Variants in KCND2 observed in about 807,000 individuals in gnomAD.
KCND2 encodes the protein A-type voltage-gated potassium channel KCND2.
Under a neutral mutation model 54.4 loss-of-function variants are expected in KCND2, and 16 were observed. The observed-to-expected ratio is 0.29, with a 90% confidence interval of 0.20 to 0.45. The LOEUF (loss-of-function observed/expected upper bound fraction) is 0.45, where lower values mean the gene tolerates loss of function less well. KCND2 is among the 20% of genes least tolerant of loss of function. KCND2 has a pLI of 1.00. For missense variants in KCND2, 486 were observed against 824.2 expected (o/e 0.59, Z 5.02); for synonymous variants, 317 against 310.7 (o/e 1.02, Z -0.21).
At chr7:120,412,485 AT>A (rs1252260836) in intron 1 of KCND2, among the ~76,000 whole-genome samples, 1 of 151,254 alleles carries the variant, frequency 6.6e-6, no homozygotes, top group Non-Finnish European at 1.5e-5. Context: ...CAAATTCATT[AT>A]TTCCACCTTT....
intron 1 of KCND2, among the ~76,000 whole-genome samples, chr7:120,282,522 C>G (rs1161606857): frequency 6.6e-6 from 1 of 151,890 alleles, no homozygotes; most frequent in Non-Finnish European, 1.5e-5. Context: ...GGAATTTTGA[C>G]AAGTCTATTA....
At chr7:120,311,131 GGTTT>G (rs1407331651) in intron 1 of KCND2, among the ~76,000 whole-genome samples, 1 of 151,778 alleles carries the variant, frequency 6.6e-6, no homozygotes, top group Non-Finnish European at 1.5e-5. Context: ...TGACATATAC[GGTTT>G]GTTTCCTTTT....
At chr7:120,412,657 C>T (rs1335763692) in intron 1 of KCND2, among the ~76,000 whole-genome samples, 2 of 151,978 alleles carry the variant, frequency 1.3e-5, no homozygotes, top group South Asian at 4.1e-4. Flanking sequence ...GTCATCAAGA[C>T]TTTTTGTATT....
intron 1 of KCND2, among the ~76,000 whole-genome samples, chr7:120,432,162 C>T (rs1243877763): frequency 2.0e-5 from 3 of 152,114 alleles, no homozygotes; most frequent in African/African-American, 7.2e-5. Flanking sequence ...GTAAATATCA[C>T]CGTTTATTTC....
intron 1 of KCND2, among the ~76,000 whole-genome samples, chr7:120,453,479 C>G (rs917472995): frequency 6.6e-6 from 1 of 152,180 alleles, no homozygotes; most frequent in East Asian, 1.9e-4. Context: ...CCCAATCCTG[C>G]ACTGCCACTG....
At chr7:120,692,748 T>C (rs1366520134) in intron 1 of KCND2, among the ~76,000 whole-genome samples, 2 of 152,184 alleles carry the variant, frequency 1.3e-5, no homozygotes, top group Non-Finnish European at 2.9e-5. Flanking sequence ...CTCTATTCTC[T>C]CCAAGCCAGA....
intron 1 of KCND2, among the ~76,000 whole-genome samples, chr7:120,359,565 C>T (rs1800562948): frequency 6.6e-6 from 1 of 152,044 alleles, no homozygotes; most frequent in African/African-American, 2.4e-5. Flanking sequence ...TCGTTATTCC[C>T]TTATCTTTTC....
At chr7:120,391,040 T>C (rs1801069059) in intron 1 of KCND2, among the ~76,000 whole-genome samples, 1 of 152,032 alleles carries the variant, frequency 6.6e-6, no homozygotes, top group African/African-American at 2.4e-5. Context: ...CATGATTAGG[T>C]ATATGTCCTA....
At position 120,310,748 on chromosome 7, in the gene KCND2, C is replaced by A. The variant is rs555454317; in HGVS notation, c.1115+35001C>A. Among the ~76,000 whole-genome samples, 217 of 151,934 alleles carry A rather than the reference C, an allele frequency of 1.4e-3. 1 individual carries two copies. Among genetic ancestry groups the A allele is most frequent in the African/African-American group, 5.2e-3 (214 of 41,464 alleles). ...GGCCAGGAGTTTGAGACCAGCCTGG[C>A]CAACATGGTGAAACCCCATCTGTAC... On this transcript the variant is annotated intron_variant, in intron 1 of 5. Transcript: ENST00000331113.
intron 1 of KCND2, among the ~76,000 whole-genome samples, chr7:120,726,833 A>C (rs929468608): frequency 2.0e-5 from 3 of 152,202 alleles, no homozygotes; most frequent in Non-Finnish European, 4.4e-5. Context: ...GGATCTGTTC[A>C]TTCATTCTAT....
intron 1 of KCND2, among the ~76,000 whole-genome samples, chr7:120,276,418 G>A (rs1799175542): frequency 6.6e-6 from 1 of 151,884 alleles, no homozygotes; most frequent in South Asian, 2.1e-4. Context: ...CAAGCTCTAG[G>A]TTCATAGTTT....
At chr7:120,662,200 C>A (rs1403788979) in intron 1 of KCND2, among the ~76,000 whole-genome samples, 1 of 151,964 alleles carries the variant, frequency 6.6e-6, no homozygotes, top group African/African-American at 2.4e-5. Context: ...TTTTTCCTCC[C>A]CTATAGTTTT....
At chr7:120,460,786 ACTTT>A (rs951149795) in intron 1 of KCND2, among the ~76,000 whole-genome samples, 9 of 152,130 alleles carry the variant, frequency 5.9e-5, no homozygotes, top group African/African-American at 1.9e-4. Flanking sequence ...GCCCCTGACC[ACTTT>A]CTTTCTATCT....
intron 1 of KCND2, among the ~76,000 whole-genome samples, chr7:120,539,602 C>G (rs1791955061): frequency 6.6e-6 from 1 of 152,112 alleles, no homozygotes; most frequent in Non-Finnish European, 1.5e-5. Context: ...AATGGAGACA[C>G]AGGAACAACC....
intron 1 of KCND2, among the ~76,000 whole-genome samples, chr7:120,690,097 GT>G (rs1391817240): frequency 6.6e-6 from 1 of 152,074 alleles, no homozygotes; most frequent in African/African-American, 2.4e-5. Flanking sequence ...ATTAGAAAAT[GT>G]TTTCTTTTTT....
intron 1 of KCND2, among the ~76,000 whole-genome samples, chr7:120,358,778 T>G (rs1800546059): frequency 6.6e-6 from 1 of 152,190 alleles, no homozygotes; most frequent in South Asian, 2.1e-4. Flanking sequence ...TCGAACTATG[T>G]GCAGGCTGTA....
At chr7:120,388,886 A>G (rs1412482384) in intron 1 of KCND2, among the ~76,000 whole-genome samples, 2 of 72,082 alleles carry the variant, frequency 2.8e-5, no homozygotes, top group African/African-American at 6.1e-5. Flanking sequence ...ATTTATATAT[A>G]CATGTATATA....
At chr7:120,347,143 C>G (rs2116376218) in intron 1 of KCND2, among the ~76,000 whole-genome samples, 1 of 152,166 alleles carries the variant, frequency 6.6e-6, no homozygotes, top group Non-Finnish European at 1.5e-5. Context: ...AGGGTTTAAG[C>G]TCAAAAAATG....
chr7:120,316,422 T>A (rs924285211), intron 1 of KCND2, among the ~76,000 whole-genome samples: 1 of 152,260 alleles, frequency 6.6e-6, no homozygotes, highest in Non-Finnish European at 1.5e-5. Context: ...ATGTTTTTCA[T>A]AACTACCTTG....
Sources: gnomAD v4.1 joint callset for allele counts (sites outside exome capture counted in the v4.1 genomes callset) on GRCh38, gnomAD v4.1.1 for gene constraint, MANE v1.5 for transcripts, NCBI Gene and HGNC (gene_info 2026-07-23, HGNC 2026-07-21) for gene names.